Variants in SLC6A4 observed in about 807,000 individuals in gnomAD.
The protein encoded by SLC6A4 is solute carrier family 6 member 4, also known as sodium-dependent serotonin transporter.
In SLC6A4, 22 loss-of-function variants were observed where a neutral mutation model predicts 73.4. The ratio of observed to expected loss-of-function variants is 0.30; its 90% confidence interval spans 0.21 to 0.43. SLC6A4 has a LOEUF of 0.43. Ranked by LOEUF, SLC6A4 falls within the 20% of genes least tolerant of loss-of-function variation. SLC6A4 has a pLI of 1.00. For missense variants in SLC6A4, 593 were observed against 808.5 expected (o/e 0.73, Z 3.23); for synonymous variants, 270 against 315.5 (o/e 0.86, Z 1.53).
chr17:30,201,892 C>T (rs1427747692), intron 14 of SLC6A4, among the ~76,000 whole-genome samples: 1 of 152,126 alleles, frequency 6.6e-6, no homozygotes, highest in Non-Finnish European at 1.5e-5. Context: ...GGATTGAGCT[C>T]AGGAGTTTGA....
intron 1 of SLC6A4, among the ~76,000 whole-genome samples, chr17:30,230,098 G>T (rs74865172): frequency 1.1e-5 from 1 of 89,558 alleles, no homozygotes; most frequent in Non-Finnish European, 2.3e-5. Context: ...AAGAAGAAGA[G>T]GAGGAAGAGG....
intron 1 of SLC6A4, among the ~76,000 whole-genome samples, chr17:30,234,016 C>T (rs1042683033): frequency 3.3e-5 from 5 of 151,968 alleles, no homozygotes; most frequent in Admixed American, 2.0e-4. Flanking sequence ...TCCTAACCCC[C>T]CTCCAGCCAA....
chr17:30,230,753 G>A (rs1907087601), intron 1 of SLC6A4, among the ~76,000 whole-genome samples: 1 of 152,162 alleles, frequency 6.6e-6, no homozygotes, highest in African/African-American at 2.4e-5. Flanking sequence ...GTCAGGTGAG[G>A]TGAGGCTGCT....
intron 1 of SLC6A4, among the ~76,000 whole-genome samples, chr17:30,223,561 G>T (rs1906836232): frequency 6.6e-6 from 1 of 152,212 alleles, no homozygotes. Flanking sequence ...ACTAGGGTTT[G>T]GCGTTTGCTG....
rs1018526793 is a variant in SLC6A4, at chr17:30,215,636, T to C, written c.1051A>G (p.Asn351Asp). The C allele has an allele frequency of 6.2e-7, 1 of 1,614,124 alleles. No homozygotes were observed. Among genetic ancestry groups the C allele is most frequent in the Non-Finnish European group, 8.5e-7 (1 of 1,179,990 alleles). ...FGVLLAFASYNKFNNNCYQDA... is the reference protein window; with the variant it reads ...FGVLLAFASYDKFNNNCYQDA... ...TGGTAGCAGTTGTTGTTGAACTTGT[T>C]GTAGCTAGCAAAAGCCAGCAGGACC... is the stretch of plus-strand genomic sequence containing the variant. Residue 351 changes from asparagine (N) to aspartate (D), a missense_variant, in exon 8 of 15, where the codon AAC becomes GAC. Transcript: ENST00000650711.
rs1906770923 is a variant in SLC6A4, at chr17:30,221,799, C to G, written c.160G>C (p.Gly54Arg). The G allele has an allele frequency of 6.2e-7, 1 of 1,614,074 alleles. No homozygotes were observed. The highest frequency in any genetic ancestry group is 8.5e-7 in the Non-Finnish European group (1 of 1,180,056). The change falls in exon 3 of 15, where the codon GGT (glycine) becomes CGT (arginine). Residue 54 changes from glycine to arginine, a missense_variant. Physicochemically the swap from Gly to Arg is moderately radical, Grantham distance 125. Transcript: ENST00000650711. ...GAGTGCCGTGTGTCATCTCCCGCAC[C>G]AGGACTTGGAACTGCTGAGTACCCA... ...SNGYSAVPSP[G>R]AGDDTRHSIP...
Position 30,209,275 on chromosome 17 carries a change from C to G in SLC6A4, c.1450-33G>C, listed in dbSNP as rs34876533. On this transcript the variant is annotated intron_variant, in intron 11 of 14. Transcript: ENST00000650711. ...GGAGAGCAGAGCCTGGGTGAGGGCCCTCCAAGGAGCCACCCCTCCCAACTA... is the reference window on the plus strand; with the variant it reads ...GGAGAGCAGAGCCTGGGTGAGGGCCGTCCAAGGAGCCACCCCTCCCAACTA... 1.1e-3 allele frequency: 1,520 copies of G among 1,363,626 alleles called. 4 individuals carry two copies. Among genetic ancestry groups the G allele is most frequent in the African/African-American group, 9.3e-3 (649 of 70,114 alleles). The allele number at this position is 1,363,626 out of a possible 1,614,324, so 84.5% of individuals were successfully genotyped here.
chr17:30,204,225 T>A (rs1313577768), intron 13 of SLC6A4: 1 of 152,264 alleles, frequency 6.6e-6, no homozygotes, highest in Non-Finnish European at 1.5e-5. Context: ...GATTTAATTT[T>A]ATTTTATTAT....
chr17:30,194,604 A>G lies in SLC6A4; in HGVS notation c.*3852T>C, dbSNP rs925161709. The G allele has an allele frequency of 6.6e-6, 1 of 152,228 alleles. No individual in the cohort carries two copies. The highest frequency in any genetic ancestry group is 2.4e-5 in the African/African-American group (1 of 41,474). The allele number at this position is 152,228 out of a possible 1,614,324, so 9.4% of individuals were successfully genotyped here. On this transcript the variant is annotated 3_prime_UTR_variant, in exon 15 of 15. Transcript: ENST00000650711. ...CTTTTAAAATATGAATTTTTAATAT[A>G]TCATTTTCTTAAGATAAAGTACACC...
intron 14 of SLC6A4, among the ~76,000 whole-genome samples, chr17:30,199,949 A>G (rs1597631084): frequency 6.7e-6 from 1 of 149,592 alleles, no homozygotes; most frequent in Admixed American, 6.7e-5. Flanking sequence ...CCCAGGCTGG[A>G]GTGCAGTGGC....
In SLC6A4 at chr17:30,221,936, G is replaced by T. The variant is rs1906775550; in HGVS notation, c.23C>A (p.Ser8Tyr). The change falls in exon 3 of 15, where the codon TCT becomes TAT. Residue 8 changes from serine (S) to tyrosine (Y), a missense_variant. By Grantham distance (144) the Ser-to-Tyr change is moderately radical. Coordinates refer to ENST00000650711, the MANE Select transcript of SLC6A4 (RefSeq NM_001045.6). Reference protein sequence around the residue: METTPLNSQKQLSACEDG... With the variant: METTPLNYQKQLSACEDG... Reference sequence around the variant, plus strand: ...TTCACACGCTGATAGCTGCTTCTGAGAATTCAAGGGCGTCGTCTCCATCCT... The same window carrying T: ...TTCACACGCTGATAGCTGCTTCTGATAATTCAAGGGCGTCGTCTCCATCCT... The T allele has an allele frequency of 6.2e-7, 1 of 1,614,020 alleles. No homozygotes were observed. Among genetic ancestry groups the T allele is most frequent in the Admixed American group, 1.7e-5 (1 of 60,004 alleles).
rs1906380612 is a variant in SLC6A4 at position 30,211,381 on chromosome 17, G to A, written c.1248C>T (p.Asn416=). The A allele has an allele frequency of 6.2e-7, 1 of 1,613,760 alleles. No individual in the cohort carries two copies. The highest frequency in any genetic ancestry group is 1.3e-5 in the African/African-American group (1 of 74,916). ...LFITYAEAIA[N]MPASTFFAII... ...TGGCAAAGAAAGTGGACGCTGGCAT[G>A]TTGGCTATCGCTTCTGCATACGTGA... The change falls in exon 10 of 15, where the codon AAC becomes AAT. Residue 416 remains asparagine (N), a synonymous_variant. Transcript: ENST00000650711. This position sits in a 1 kb window ranked among gnomAD's most constrained non-coding sequence, Gnocchi z 4.0.
At position 30,220,971 on chromosome 17, in the gene SLC6A4, C is replaced by CTTT. The variant is rs776589435; in HGVS notation, c.343+642_343+644dup. Among the ~76,000 whole-genome samples the CTTT allele has an allele frequency of 1.1e-3, 127 of 113,598 alleles. 1 individual carries two copies. Among genetic ancestry groups the CTTT allele is most frequent in the African/African-American group, 2.8e-3 (74 of 26,868 alleles). The allele number at this position is 113,598 out of a possible 152,430, so 74.5% of individuals were successfully genotyped here. ...AGCTTTTGGCTTGCTGGAGATTTGACTTTTTTTTTTTTTTTTTTTTTTTGA... is the reference window on the plus strand; with the variant it reads ...AGCTTTTGGCTTGCTGGAGATTTGACTTTTTTTTTTTTTTTTTTTTTTTTTTGA... On this transcript the variant is annotated intron_variant, in intron 3 of 14. Transcript: ENST00000650711.
chr17:30,205,882 G>T (rs1316587221), intron 13 of SLC6A4: 1 of 152,204 alleles, frequency 6.6e-6, no homozygotes, highest in African/African-American at 2.4e-5. Flanking sequence ...CCCCAAGAAA[G>T]TCAAAACACA....
At chr17:30,217,424 G>C in intron 5 of SLC6A4, 120 bp from the exon 6 acceptor site, 1 of 958,288 alleles carries the variant, frequency 1.0e-6, no homozygotes, top group Non-Finnish European at 1.5e-6. Flanking sequence ...AGGACCAAGT[G>C]GTCACTGAGG....
chr17:30,209,090 T>G (rs1028345900), intron 12 of SLC6A4, 53 bp downstream of exon 12: 4 of 1,265,116 alleles, frequency 3.2e-6, no homozygotes, highest in Admixed American at 3.6e-5. Flanking sequence ...CCTTTGCTAC[T>G]GTGCTGGCTG....
At chr17:30,217,975 AAATT>A in intron 5 of SLC6A4, 139 bp downstream of exon 5, 1 of 659,650 alleles carries the variant, frequency 1.5e-6, no homozygotes, top group South Asian at 1.9e-5. Context: ...TCCCAGCTCC[AAATT>A]CTGCTACTCC....
intron 2 of SLC6A4, 38 bp from the exon 3 acceptor site, chr17:30,222,119 A>G (rs1186667229): frequency 1.4e-6 from 2 of 1,408,904 alleles, no homozygotes; most frequent in East Asian, 2.5e-5. Flanking sequence ...GAAAAAAGTT[A>G]GACATTTTAC....
chr17:30,218,564 T>G (rs555457134), intron 4 of SLC6A4, among the ~76,000 whole-genome samples: 2 of 152,362 alleles, frequency 1.3e-5, no homozygotes, highest in African/African-American at 4.8e-5. Context: ...TGTGTACATG[T>G]CCTGTTAATG....
Sources: allele counts gnomAD v4.1 joint callset (sites outside exome capture counted in the v4.1 genomes callset), GRCh38; gene constraint gnomAD v4.1.1; non-coding constraint Gnocchi (gnomAD v3.1); transcripts MANE v1.5; gene names NCBI Gene and HGNC (gene_info 2026-07-23, HGNC 2026-07-21).